The following TVP23B variants were observed in gnomAD, a reference collection of about 807,000 sequenced individuals.
TVP23B encodes trans-golgi network vesicle protein 23 homolog B.
In TVP23B, 10 loss-of-function variants were observed where a neutral mutation model predicts 30.6. The observed-to-expected ratio is 0.33, with a 90% CI of 0.20 to 0.55. The LOEUF (loss-of-function observed/expected upper bound fraction) is 0.55. Among genes scored for constraint, TVP23B ranks in the 20% least tolerant of loss-of-function variants. TVP23B has a pLI of 0.91. For missense variants in TVP23B, 153 were observed against 243.2 expected, an observed-to-expected ratio of 0.63 and a Z score of 2.47; for synonymous variants, 67 against 83.1, an observed-to-expected ratio of 0.81 and a Z score of 1.06.
Position 18,797,565 on chromosome 17 carries a change from T to A in TVP23B, c.241-14T>A, listed in dbSNP as rs746227826. ...TGCTTTTAAAATGTGCCTGTTTATA[T>A]TAATCTTCACCAGAATGTCACAGGT... is the stretch of plus-strand genomic sequence containing the variant. On this transcript the variant is annotated splice_polypyrimidine_tract_variant and intron_variant, in intron 3 of 6. Coordinates refer to ENST00000307767, the MANE Select transcript of TVP23B (RefSeq NM_016078.6). The A allele has an allele frequency of 6.2e-7, 1 of 1,612,870 alleles. No homozygotes were observed. Among genetic ancestry groups the A allele is most frequent in the Non-Finnish European group, 8.5e-7 (1 of 1,179,526 alleles).
chr17:18,800,890 C>T (rs905056196), intron 5 of TVP23B, among the ~76,000 whole-genome samples: 43 of 152,000 alleles, frequency 2.8e-4, no homozygotes, highest in South Asian at 1.2e-3. Context: ...TCATCTTTTC[C>T]TTATTTATTC....
intron 3 of TVP23B, 147 bp downstream of exon 3, chr17:18,791,187 G>GTTTTTT (rs762889436): frequency 0.028 from 3,096 of 111,942 alleles, 10 homozygotes; most frequent in Admixed American, 0.031. Flanking sequence ...ATTGCATGTA[G>GTTTTTT]TTTTTTTTTT....
At chr17:18,783,945 G>C (rs2035856427) in intron 1 of TVP23B, among the ~76,000 whole-genome samples, 1 of 152,174 alleles carries the variant, frequency 6.6e-6, no homozygotes, top group Non-Finnish European at 1.5e-5. Flanking sequence ...AGGAGATCGA[G>C]ACCATCCTGG....
intron 5 of TVP23B, among the ~76,000 whole-genome samples, chr17:18,800,204 TA>T (rs1219683218): frequency 6.6e-6 from 1 of 151,910 alleles, no homozygotes; most frequent in Non-Finnish European, 1.5e-5. Context: ...ATTGACTTAA[TA>T]GACTCTGTTT....
chr17:18,805,746 A>G lies in TVP23B; in HGVS notation c.*179A>G. 2.1e-6 allele frequency: 3 copies of G among 1,436,698 alleles called. No homozygotes were observed. The highest frequency in any genetic ancestry group is 2.7e-6 in the Non-Finnish European group (3 of 1,096,582). 89.0% of individuals were successfully genotyped at this position (1,436,698 alleles called of 1,614,324 possible). ...ATTAAGTTTTTATTTCCTTTCCAGC[A>G]GTTGGGGCTAGAAAGTATGTGTTGG... On this transcript the variant is annotated 3_prime_UTR_variant, in exon 7 of 7. Coordinates refer to ENST00000307767, the MANE Select transcript of TVP23B (RefSeq NM_016078.6).
intron 2 of TVP23B, among the ~76,000 whole-genome samples, chr17:18,789,865 T>C (rs1178935655): frequency 1.3e-5 from 2 of 152,226 alleles, no homozygotes; most frequent in African/African-American, 4.8e-5. Flanking sequence ...TCTTTTACTT[T>C]TCTTTCATCT....
chr17:18,795,345 T>G (rs1452765715), intron 3 of TVP23B, among the ~76,000 whole-genome samples: 2 of 152,094 alleles, frequency 1.3e-5, no homozygotes, highest in Non-Finnish European at 2.9e-5. Flanking sequence ...TCTTCTTCTT[T>G]GAGTGTTCCC....
At chr17:18,802,905 TAC>T (rs2036190925) in intron 5 of TVP23B, among the ~76,000 whole-genome samples, 1 of 152,116 alleles carries the variant, frequency 6.6e-6, no homozygotes, top group African/African-American at 2.4e-5. Context: ...TTCAAATAAA[TAC>T]ACAGTTTTAT....
At chr17:18,784,298 C>CT (rs2035866583) in intron 1 of TVP23B, among the ~76,000 whole-genome samples, 1 of 152,178 alleles carries the variant, frequency 6.6e-6, no homozygotes, top group African/African-American at 2.4e-5. Flanking sequence ...CTCTCTTCCC[C>CT]TCTCCCAACC....
chr17:18,793,646 C>T (rs1226462932), intron 3 of TVP23B, among the ~76,000 whole-genome samples: 2 of 150,852 alleles, frequency 1.3e-5, no homozygotes, highest in African/African-American at 2.4e-5. Flanking sequence ...TAAAACCAGT[C>T]GTGTATCTTC....
chr17:18,783,287 G>C (rs1264543754), intron 1 of TVP23B, among the ~76,000 whole-genome samples: 2 of 152,040 alleles, frequency 1.3e-5, no homozygotes, highest in Admixed American at 6.6e-5. Context: ...TGTATTTTTA[G>C]TAGAGATGGG....
chr17:18,800,555 A>C (rs932247192), intron 5 of TVP23B, among the ~76,000 whole-genome samples: 1 of 151,668 alleles, frequency 6.6e-6, no homozygotes, highest in Non-Finnish European at 1.5e-5. Context: ...ATGCTATTCC[A>C]TCATTTTCTT....
intron 3 of TVP23B, among the ~76,000 whole-genome samples, chr17:18,795,362 G>T (rs1229058608): frequency 6.6e-6 from 1 of 150,740 alleles, no homozygotes; most frequent in African/African-American, 2.4e-5. Context: ...TCCCTTTCGT[G>T]GGGCCTGGAA....
chr17:18,785,077 T>A (rs1385544275), intron 1 of TVP23B, among the ~76,000 whole-genome samples: 2 of 152,230 alleles, frequency 1.3e-5, no homozygotes, highest in Non-Finnish European at 2.9e-5. Flanking sequence ...GGCCTCGTGA[T>A]TAAAGTAGTT....
chr17:18,784,288 C>T (rs1380944914), intron 1 of TVP23B, among the ~76,000 whole-genome samples: 1 of 152,224 alleles, frequency 6.6e-6, no homozygotes, highest in African/African-American at 2.4e-5. Flanking sequence ...TCTAGTCAGT[C>T]TCTCTTCCCC....
chr17:18,782,500 G>C (rs1186347239), intron 1 of TVP23B: 1 of 150,802 alleles, frequency 6.6e-6, no homozygotes, highest in South Asian at 2.1e-4. Context: ...GGGAGACTCC[G>C]TCTCAAACAA....
intron 6 of TVP23B, among the ~76,000 whole-genome samples, chr17:18,805,328 C>G (rs2036232602): frequency 6.6e-6 from 1 of 152,000 alleles, no homozygotes; most frequent in Non-Finnish European, 1.5e-5. Flanking sequence ...TCATGATCCA[C>G]CCTCCTCGGC....
intron 3 of TVP23B, chr17:18,796,626 A>G (rs1357906778): frequency 6.6e-6 from 1 of 151,966 alleles, no homozygotes; most frequent in African/African-American, 2.4e-5. Context: ...AAATAAAAAA[A>G]TGCCTGTGAT....
Position 18,781,475 on chromosome 17 carries a change from T to C in TVP23B, c.12+170T>C. On this transcript the variant is annotated intron_variant, in intron 1 of 6. Coordinates refer to ENST00000307767, the MANE Select transcript of TVP23B (RefSeq NM_016078.6). The stretch of plus-strand genomic sequence containing the variant: ...TTGTCTGAGGAGGGCTGCTGGGGGT[T>C]CTGAGGCCGCTGGGGGCGGCGTGAC... 7.1e-6 allele frequency: 9 copies of C among 1,271,132 alleles called. No individual in the cohort carries two copies. The South Asian group carries it at 1.4e-4, about 19-fold the overall frequency. The allele number at this position is 1,271,132 out of a possible 1,614,324, so 78.7% of individuals were successfully genotyped here.
Sources: gnomAD v4.1 joint callset for allele counts (sites outside exome capture counted in the v4.1 genomes callset) on GRCh38, gnomAD v4.1.1 for gene constraint, MANE v1.5 for transcripts, NCBI Gene and HGNC (gene_info 2026-07-23, HGNC 2026-07-21) for gene names.